CLPTM1: variants seen among roughly 807,000 people sequenced by gnomAD.
The protein encoded by CLPTM1 is putative lipid scramblase CLPTM1.
In CLPTM1, 21 loss-of-function variants were observed where a neutral mutation model predicts 77.3. The ratio of observed to expected loss-of-function variants is 0.27; its 90% CI spans 0.19 to 0.39. The LOEUF is 0.39. Among genes scored for constraint, CLPTM1 ranks in the 10% least tolerant of loss-of-function variants. CLPTM1 has a pLI of 1.00. For missense variants in CLPTM1, 642 were observed against 921.2 expected, an observed-to-expected ratio of 0.70 and a Z score of 3.92; for synonymous variants, 373 against 381.0, an observed-to-expected ratio of 0.98 and a Z score of 0.24.
intron 1 of CLPTM1, among the ~76,000 whole-genome samples, chr19:44,960,828 C>T (rs374627077): frequency 2.6e-5 from 4 of 152,204 alleles, no homozygotes; most frequent in East Asian, 1.9e-4. Context: ...CTCTGTGCCA[C>T]TGGTGCTCTT....
At chr19:44,965,793 G>A (rs957433465) in intron 2 of CLPTM1, among the ~76,000 whole-genome samples, 10 of 152,252 alleles carry the variant, frequency 6.6e-5, no homozygotes, top group South Asian at 4.1e-4. Flanking sequence ...CAGCCTAGGC[G>A]ACAGCGAGAC....
chr19:44,963,207 CA>C (rs778157562), intron 2 of CLPTM1, among the ~76,000 whole-genome samples: 359 of 29,036 alleles, frequency 0.012, no homozygotes, highest in African/African-American at 0.05. Flanking sequence ...GACTCCATCT[CA>C]AAAAAAAAAA....
upstream of CLPTM1, chr19:44,954,897 G>T: frequency 7.4e-7 from 1 of 1,344,510 alleles, no homozygotes; most frequent in South Asian, 1.3e-5. Flanking sequence ...GAAGACAAGG[G>T]TGCTGGGCAA....
chr19:44,971,646 C>T (rs961479973), intron 2 of CLPTM1, among the ~76,000 whole-genome samples: 4 of 152,012 alleles, frequency 2.6e-5, no homozygotes, highest in African/African-American at 9.7e-5. Flanking sequence ...GCAGCCTTGA[C>T]CGTCAGGGCT....
rs1285222393 is a variant in CLPTM1 at position 44,987,417 on chromosome 19, G to A, written c.1032G>A (p.Ser344=). 1.1e-5 allele frequency: 17 copies of A among 1,613,552 alleles called. No individual in the cohort carries two copies. Among genetic ancestry groups the A allele is most frequent in the East Asian group, 4.5e-5 (2 of 44,882 alleles). The stretch of plus-strand genomic sequence containing the variant: ...AGCAGTCAGATGAGGAGCAGGACTC[G>A]GTGAAGGTGAGTGCGGCCGGTGTGG... ...LYEQSDEEQD[S]VKVALLETNP... Residue 344 remains serine (S), a synonymous_variant, in exon 8 of 14, where the codon TCG becomes TCA. Coordinates refer to ENST00000337392, the MANE Select transcript of CLPTM1 (RefSeq NM_001294.4).
chr19:44,980,906 C>T (rs892741836), intron 5 of CLPTM1, among the ~76,000 whole-genome samples: 2 of 147,104 alleles, frequency 1.4e-5, no homozygotes, highest in Non-Finnish European at 3.0e-5. Context: ...GGTGCAGTCT[C>T]GGCTCACTGC....
intron 4 of CLPTM1, 85 bp downstream of exon 4, chr19:44,974,682 G>A: frequency 6.7e-7 from 1 of 1,502,062 alleles, no homozygotes; most frequent in Non-Finnish European, 9.0e-7. Context: ...CTTGCTGAGA[G>A]CATGTGGAGT....
rs1262964144 is a variant in CLPTM1, at chr19:44,991,284, G to A, written c.1466G>A (p.Cys489Tyr). The change falls in exon 12 of 14, where the codon TGC becomes TAC. Residue 489 changes from cysteine (C) to tyrosine (Y), a missense_variant. Cys to Tyr is a radical substitution (Grantham distance 194). Coordinates refer to ENST00000337392, the MANE Select transcript of CLPTM1 (RefSeq NM_001294.4). The surrounding 1 kb of genome is among the most constrained non-coding windows in gnomAD (Gnocchi z 5.4). ...LSWILFPLLG[C>Y]YAVYSLLYLE... ...TGGATCCTCTTCCCGCTCCTGGGCT[G>A]CTATGCCGTCTACAGTCTTCTGTAC... 2 of 1,613,976 alleles carry A rather than the reference G, an allele frequency of 1.2e-6. No homozygotes were observed. The highest frequency in any genetic ancestry group is 1.7e-6 in the Non-Finnish European group (2 of 1,179,984).
intron 2 of CLPTM1, among the ~76,000 whole-genome samples, chr19:44,967,996 TTC>T (rs1173622210): frequency 6.6e-6 from 1 of 152,260 alleles, no homozygotes; most frequent in Non-Finnish European, 1.5e-5. Flanking sequence ...ATTTTTATCT[TTC>T]CCTTCATTTT....
chr19:44,975,774 G>C (rs903123836), intron 4 of CLPTM1, among the ~76,000 whole-genome samples: 2 of 152,080 alleles, frequency 1.3e-5, no homozygotes, highest in Admixed American at 1.3e-4. Flanking sequence ...ATGTTGGCCA[G>C]GTTGGCCTTG....
chr19:44,990,095 G>T lies in CLPTM1; in HGVS notation c.1133-300G>T, dbSNP rs184694330. 1.2e-5 allele frequency: 5 copies of T among 400,690 alleles called. No individual in the cohort carries two copies. The Admixed American group carries it at 1.6e-4, about 13-fold the overall frequency. 24.8% of individuals were successfully genotyped at this position (400,690 alleles called of 1,614,324 possible). A position where few individuals can be genotyped will look rare whatever the true frequency, so the allele number is the denominator to read the frequency against. ...CTGACCAGTCCTTAGCACCTGGCACGTGGTGAGCCCTGTCCATGGCACCAG... is the reference window on the plus strand; with the variant it reads ...CTGACCAGTCCTTAGCACCTGGCACTTGGTGAGCCCTGTCCATGGCACCAG... On this transcript the variant is annotated intron_variant, in intron 9 of 13. Coordinates refer to ENST00000337392, the MANE Select transcript of CLPTM1 (RefSeq NM_001294.4). This position sits in a 1 kb window ranked among gnomAD's most constrained non-coding sequence, Gnocchi z 4.8.
chr19:44,974,135 C>T lies in CLPTM1; in HGVS notation c.310-304C>T, dbSNP rs147861123. On this transcript the variant is annotated intron_variant, in intron 3 of 13. Transcript: ENST00000337392. ...CAGAGCTCTGACCAGGAAGGCCCAG[C>T]AGCCATGAGGGCAGGAGATCATTCA... Among the ~76,000 whole-genome samples the T allele has an allele frequency of 2.6e-5, 4 of 152,058 alleles. No homozygotes were observed. The East Asian group carries it at 7.8e-4, about 30-fold the overall frequency.
intron 1 of CLPTM1, among the ~76,000 whole-genome samples, chr19:44,957,097 G>A (rs923907735): frequency 1.2e-4 from 18 of 152,302 alleles, no homozygotes; most frequent in Middle Eastern, 6.8e-3. Context: ...AGAGCAGGGG[G>A]GCAAAGCCAT....
Position 44,990,441 on chromosome 19 carries a change from G to C in CLPTM1, c.1179G>C (p.Val393=), listed in dbSNP as rs1309387000. The C allele has an allele frequency of 1.2e-6, 2 of 1,613,966 alleles. No individual in the cohort carries two copies. The highest frequency in any genetic ancestry group is 2.7e-5 in the African/African-American group (2 of 74,908). ...GGCAGTCCCTGGAGGGCCTGTCCGT[G>C]CGCTCCGTCTTCTTCGGCGTTTTCC... ...NSRQSLEGLS[V]RSVFFGVFQS... is the part of the protein sequence containing the mutation. Residue 393 remains valine (V), a synonymous_variant, in exon 10 of 14, where the codon GTG becomes GTC. Transcript: ENST00000337392. This position sits in a 1 kb window ranked among gnomAD's most constrained non-coding sequence, Gnocchi z 4.8.
At chr19:44,961,432 A>G (rs774767398) in intron 1 of CLPTM1, among the ~76,000 whole-genome samples, 45 of 152,174 alleles carry the variant, frequency 3.0e-4, no homozygotes, top group Admixed American at 1.4e-3. Context: ...GTTGTCCCCA[A>G]TAGCCACCTC....
At chr19:44,973,761 G>GTTTTTTTTTGT (rs1970759149) in intron 3 of CLPTM1, among the ~76,000 whole-genome samples, 1 of 62,458 alleles carries the variant, frequency 1.6e-5, no homozygotes, top group African/African-American at 4.4e-5. Context: ...GTCACAGTGG[G>GTTTTTTTTTGT]TTTTTTTTTT....
chr19:44,973,300 C>A, intron 3 of CLPTM1, 90 bp downstream of exon 3: 1 of 1,558,196 alleles, frequency 6.4e-7, no homozygotes, highest in Non-Finnish European at 8.7e-7. Flanking sequence ...CGGGACAGAC[C>A]AGGTCCTTGC....
intron 2 of CLPTM1, among the ~76,000 whole-genome samples, chr19:44,963,677 T>G (rs1970581360): frequency 6.6e-6 from 1 of 151,800 alleles, no homozygotes; most frequent in Non-Finnish European, 1.5e-5. Context: ...TGGAGTACAG[T>G]GGCGCGATCT....
At position 44,993,130 on chromosome 19, in the gene CLPTM1, C is replaced by T. The variant is rs745753588; in HGVS notation, c.*233C>T. 11 of 686,404 alleles carry T rather than the reference C, an allele frequency of 1.6e-5. No individual in the cohort carries two copies. The highest frequency in any genetic ancestry group is 1.5e-4 in the South Asian group (10 of 68,436). The allele number at this position is 686,404 out of a possible 1,614,324, so 42.5% of individuals were successfully genotyped here. On this transcript the variant is annotated 3_prime_UTR_variant, in exon 14 of 14. Coordinates refer to ENST00000337392, the MANE Select transcript of CLPTM1 (RefSeq NM_001294.4). ...CTGTGTTTCCAGCCATCTCGCCCTG[C>T]CAGCCCAGCACCACTGGGAATCATG...
Sources: gnomAD v4.1 joint callset for allele counts (sites outside exome capture counted in the v4.1 genomes callset) on GRCh38, gnomAD v4.1.1 for gene constraint, Gnocchi (gnomAD v3.1) non-coding constraint, MANE v1.5 for transcripts, NCBI Gene and HGNC (gene_info 2026-07-23, HGNC 2026-07-21) for gene names.